Variants in TBC1D5 observed in about 807,000 individuals in gnomAD.
The protein encoded by TBC1D5 is TBC1 domain family member 5, also known as TBC1 domain family, member 5.
In TBC1D5, 75 loss-of-function variants were observed where a neutral mutation model predicts 100.3. The observed-to-expected ratio is 0.75, with a 90% CI of 0.62 to 0.91. The LOEUF is 0.91. Ranked by LOEUF, TBC1D5 falls within the 40% of genes least tolerant of loss-of-function variation. The probability of loss-of-function intolerance (pLI) is 0.00; values close to 1 mark genes in which losing one functional copy is unlikely to be tolerated. For missense variants in TBC1D5, 910 were observed against 942.4 expected (o/e 0.97, Z 0.45); for synonymous variants, 323 against 325.6 (o/e 0.99, Z 0.09).
chr3:17,570,654 C>T (rs1463300456), intron 2 of TBC1D5, among the ~76,000 whole-genome samples: 1 of 151,896 alleles, frequency 6.6e-6, no homozygotes, highest in African/African-American at 2.4e-5. Flanking sequence ...TGTTATTCTA[C>T]CTTTTCAGTA....
chr3:17,284,861 T>C (rs951234240), intron 15 of TBC1D5, among the ~76,000 whole-genome samples: 2 of 152,202 alleles, frequency 1.3e-5, no homozygotes, highest in Admixed American at 1.3e-4. Context: ...ATACACCTAA[T>C]TAGTCACTAA....
chr3:17,502,383 C>A (rs1457790114), intron 3 of TBC1D5, among the ~76,000 whole-genome samples: 1 of 149,486 alleles, frequency 6.7e-6, no homozygotes, highest in Non-Finnish European at 1.5e-5. Flanking sequence ...CTCTTGACAT[C>A]TTAGCTTCTT....
chr3:17,193,291 G>A (rs534695100), intron 18 of TBC1D5, among the ~76,000 whole-genome samples: 2 of 152,284 alleles, frequency 1.3e-5, no homozygotes, highest in East Asian at 1.9e-4. Flanking sequence ...CAAGTATAGG[G>A]AGAAACCTTT....
chr3:17,583,483 T>A (rs1477993251), intron 2 of TBC1D5, among the ~76,000 whole-genome samples: 1 of 151,964 alleles, frequency 6.6e-6, no homozygotes, highest in East Asian at 1.9e-4. Context: ...CCTAACACTT[T>A]GGGAAGCCAA....
intron 1 of TBC1D5, among the ~76,000 whole-genome samples, chr3:17,642,859 A>C (rs2064656632): frequency 6.6e-6 from 1 of 152,172 alleles, no homozygotes. Flanking sequence ...ATTTTGAAAT[A>C]ATTTTATACT....
intron 3 of TBC1D5, among the ~76,000 whole-genome samples, chr3:17,451,828 G>A (rs2094935013): frequency 6.6e-6 from 1 of 152,128 alleles, no homozygotes; most frequent in Non-Finnish European, 1.5e-5. Context: ...GCTGAGGCAG[G>A]AGAATCGCTG....
At chr3:17,474,425 A>G (rs989117089) in intron 3 of TBC1D5, among the ~76,000 whole-genome samples, 10 of 152,292 alleles carry the variant, frequency 6.6e-5, no homozygotes, top group Middle Eastern at 3.4e-3. Flanking sequence ...TTCATTAAAA[A>G]TTGAACATTA....
intron 2 of TBC1D5, among the ~76,000 whole-genome samples, chr3:17,539,787 T>C (rs1335994100): frequency 1.3e-5 from 2 of 152,244 alleles, no homozygotes; most frequent in East Asian, 3.8e-4. Flanking sequence ...TTGTGAATAA[T>C]GCTGGTATGA....
intron 2 of TBC1D5, among the ~76,000 whole-genome samples, chr3:17,568,875 T>C (rs1213485972): frequency 6.6e-6 from 1 of 151,776 alleles, no homozygotes; most frequent in African/African-American, 2.4e-5. Flanking sequence ...GTATTCCTAA[T>C]AAACTACTGC....
intron 19 of TBC1D5, among the ~76,000 whole-genome samples, chr3:17,174,883 T>C (rs975195886): frequency 1.3e-5 from 2 of 152,192 alleles, no homozygotes; most frequent in Non-Finnish European, 2.9e-5. Flanking sequence ...TGAGCCACCA[T>C]GCCCAGCCAG....
intron 2 of TBC1D5, among the ~76,000 whole-genome samples, chr3:17,508,976 T>C (rs575880450): frequency 3.2e-4 from 49 of 152,274 alleles, no homozygotes; most frequent in African/African-American, 1.2e-3. Flanking sequence ...ACAGAAAATA[T>C]AGCAAATTAA....
At chr3:17,499,205 T>G (rs183530614) in intron 3 of TBC1D5, among the ~76,000 whole-genome samples, 99 of 152,290 alleles carry the variant, frequency 6.5e-4, no homozygotes, top group Non-Finnish European at 1.3e-3. Flanking sequence ...AAATGGCTAA[T>G]GCTATGAAAG....
chr3:17,720,582 G>A (rs575817446), intron 1 of TBC1D5, among the ~76,000 whole-genome samples: 38 of 152,274 alleles, frequency 2.5e-4, no homozygotes, highest in African/African-American at 8.2e-4. Flanking sequence ...CAAGGTAGGA[G>A]GATTGCTTGA....
intron 2 of TBC1D5, among the ~76,000 whole-genome samples, chr3:17,581,229 C>T (rs1054235369): frequency 7.2e-5 from 11 of 152,186 alleles, no homozygotes; most frequent in Non-Finnish European, 1.3e-4. Context: ...ACCTCCCTGG[C>T]CATGTGAACT....
chr3:17,359,579 A>G (rs1313407888), intron 13 of TBC1D5, among the ~76,000 whole-genome samples: 1 of 152,062 alleles, frequency 6.6e-6, no homozygotes, highest in Non-Finnish European at 1.5e-5. Flanking sequence ...GCACATTTGA[A>G]GCCCTCTTTG....
intron 2 of TBC1D5, among the ~76,000 whole-genome samples, chr3:17,572,641 G>A (rs2096634649): frequency 6.6e-6 from 1 of 151,874 alleles, no homozygotes; most frequent in African/African-American, 2.4e-5. Flanking sequence ...GCTGATTTTT[G>A]CTTCAAATCA....
chr3:17,655,567 A>C (rs1214062812), intron 1 of TBC1D5, among the ~76,000 whole-genome samples: 3 of 152,150 alleles, frequency 2.0e-5, no homozygotes, highest in Non-Finnish European at 4.4e-5. Flanking sequence ...AATACTATAT[A>C]TAACCATAAT....
chr3:17,246,914 C>G (rs1472670101), intron 16 of TBC1D5, among the ~76,000 whole-genome samples: 1 of 152,154 alleles, frequency 6.6e-6, no homozygotes, highest in Non-Finnish European at 1.5e-5. Flanking sequence ...AACCTATAAG[C>G]CTTTGGAATA....
At chr3:17,643,279 C>T (rs2064704085) in intron 1 of TBC1D5, among the ~76,000 whole-genome samples, 1 of 151,914 alleles carries the variant, frequency 6.6e-6, no homozygotes, top group Non-Finnish European at 1.5e-5. Flanking sequence ...AGTGATGTGC[C>T]CTCTTTGGTG....
Sources: allele counts gnomAD v4.1 joint callset (sites outside exome capture counted in the v4.1 genomes callset), GRCh38; gene constraint gnomAD v4.1.1; transcripts MANE v1.5; gene names NCBI Gene and HGNC (gene_info 2026-07-23, HGNC 2026-07-21).